RRBP1: variants seen among roughly 807,000 people sequenced by gnomAD.
RRBP1 encodes the protein ribosome-binding protein 1.
In RRBP1, 94 loss-of-function variants were observed where a neutral mutation model predicts 165.2. The ratio of observed to expected loss-of-function variants is 0.57; its 90% CI spans 0.48 to 0.68. The LOEUF is 0.68. Ranked by LOEUF, RRBP1 falls within the 30% of genes least tolerant of loss-of-function variation. RRBP1 has a pLI of 0.00. For missense variants in RRBP1, 1,676 were observed against 1,763.0 expected (o/e 0.95, Z 0.88); for synonymous variants, 680 against 714.5 (o/e 0.95, Z 0.77).
chr20:17,641,053 G>GT (rs1301799005), intron 5 of RRBP1, among the ~76,000 whole-genome samples: 1 of 152,082 alleles, frequency 6.6e-6, no homozygotes, highest in Non-Finnish European at 1.5e-5. Context: ...ACCAGTCCCA[G>GT]AGGGCCAGGG....
At chr20:17,614,918 C>G (rs1479169081) in intron 23 of RRBP1, 38 bp from the exon 24 acceptor site, 2 of 1,606,816 alleles carry the variant, frequency 1.2e-6, no homozygotes, top group East Asian at 4.5e-5. Flanking sequence ...AGCCCTTGCA[C>G]CGGCAGGAGG....
intron 8 of RRBP1, among the ~76,000 whole-genome samples, chr20:17,632,820 C>T (rs554562137): frequency 6.6e-6 from 1 of 152,318 alleles, no homozygotes; most frequent in East Asian, 1.9e-4. Flanking sequence ...GGAAAACATG[C>T]TGCATGCTGC....
At chr20:17,620,887 G>T in intron 16 of RRBP1, 80 bp from the exon 17 acceptor site, 1 of 1,075,588 alleles carries the variant, frequency 9.3e-7, no homozygotes, top group Non-Finnish European at 1.3e-6. Flanking sequence ...TGTCCCTGCA[G>T]CCCTGGTGAC....
rs1568771079 is a variant in RRBP1 at position 17,642,889 on chromosome 20, G to A, written c.2061+90C>T. 2.9e-6 allele frequency: 4 copies of A among 1,366,706 alleles called. No individual in the cohort carries two copies. In the Admixed American group the frequency reaches 5.5e-5, roughly 19 times the overall value. The allele number at this position is 1,366,706 out of a possible 1,614,324, so 84.7% of individuals were successfully genotyped here. A position where few individuals can be genotyped will look rare whatever the true frequency, so the allele number is the denominator to read the frequency against. ...GAAAGAGAAGTGGAGGCTGTCCTAT[G>A]AATGTCCTCTCTGTGGCAGAGGGAA... On this transcript the variant is annotated intron_variant, in intron 4 of 24. Coordinates refer to ENST00000377813, the MANE Select transcript of RRBP1 (RefSeq NM_001365613.2).
chr20:17,638,784 C>T (rs1362087842), intron 5 of RRBP1, among the ~76,000 whole-genome samples: 1 of 152,092 alleles, frequency 6.6e-6, no homozygotes. Context: ...TCAGAAGTGA[C>T]TCTCTGTCCC....
chr20:17,615,030 CAG>C (rs945459553), intron 23 of RRBP1, 150 bp from the exon 24 acceptor site: 8 of 883,546 alleles, frequency 9.1e-6, no homozygotes, highest in African/African-American at 1.7e-5. Context: ...GTGGTGACGA[CAG>C]GGAGGAAACC....
chr20:17,614,218 C>G lies in RRBP1; in HGVS notation c.4197G>C (p.Glu1399Asp). 1.2e-6 allele frequency: 2 copies of G among 1,613,530 alleles called. No homozygotes were observed. The highest frequency in any genetic ancestry group is 1.7e-6 in the Non-Finnish European group (2 of 1,179,966). ...KKLQEQLEKAEDGSSSKEGTS... is the reference protein window; with the variant it reads ...KKLQEQLEKADDGSSSKEGTS... ...TGCCCTCCTTTGAGCTGCTGCCGTCCTCCTGTGAACGAAGGCAGGTGGCGT... is the reference window on the plus strand; with the variant it reads ...TGCCCTCCTTTGAGCTGCTGCCGTCGTCCTGTGAACGAAGGCAGGTGGCGT... The change falls in exon 25 of 25, where the codon GAG becomes GAC. Residue 1399 changes from glutamate to aspartate, a missense_variant and splice_region_variant. Around this residue, in one of 5 missense-constraint regions of RRBP1, gnomAD observed 1,184 missense variants for 1,167.1 expected, o/e 1.01. Coordinates refer to ENST00000377813, the MANE Select transcript of RRBP1 (RefSeq NM_001365613.2).
At chr20:17,648,272 G>C (rs2036499907) in intron 3 of RRBP1, among the ~76,000 whole-genome samples, 1 of 152,258 alleles carries the variant, frequency 6.6e-6, no homozygotes, top group South Asian at 2.1e-4. Flanking sequence ...GCCTGTGGGG[G>C]AAGTGAGCTT....
chr20:17,630,546 C>G lies in RRBP1; in HGVS notation c.2611-585G>C, dbSNP rs149154684. Reference sequence around the variant, plus strand: ...CATTTCCTCACTCAGGACAGACAGGCCCACCACACCCTTGTTTAGGAGCCA... The same window carrying G: ...CATTTCCTCACTCAGGACAGACAGGGCCACCACACCCTTGTTTAGGAGCCA... On this transcript the variant is annotated intron_variant, in intron 8 of 24. Transcript: ENST00000377813. Among the ~76,000 whole-genome samples, 570 of 152,324 alleles carry G rather than the reference C, an allele frequency of 3.7e-3. 2 individuals carry two copies. The highest frequency in any genetic ancestry group is 0.013 in the African/African-American group (544 of 41,568).
intron 9 of RRBP1, among the ~76,000 whole-genome samples, chr20:17,629,505 T>C (rs1419092835): frequency 2.0e-5 from 3 of 152,050 alleles, no homozygotes; most frequent in African/African-American, 7.3e-5. Context: ...AGCAGTGCCT[T>C]CCACCCCCAT....
chr20:17,639,895 A>C (rs999887415), intron 5 of RRBP1, among the ~76,000 whole-genome samples: 3 of 23,092 alleles, frequency 1.3e-4, no homozygotes, highest in East Asian at 0.01. Context: ...CTCCAGTCTC[A>C]AAAAAAAAAA....
intron 21 of RRBP1, among the ~76,000 whole-genome samples, chr20:17,616,308 G>C (rs1418747784): frequency 2.6e-5 from 4 of 152,122 alleles, no homozygotes; most frequent in South Asian, 2.1e-4. Context: ...GGCCACCCCA[G>C]GGACAGGCCC....
intron 12 of RRBP1, 22 bp from the exon 13 acceptor site, chr20:17,624,690 G>A: frequency 3.3e-6 from 5 of 1,529,394 alleles, no homozygotes; most frequent in Non-Finnish European, 4.4e-6. Context: ...ACAGGTGAAA[G>A]GTCAGCAGCC....
rs1373622945 is a variant in RRBP1, at chr20:17,659,933, G to C, written c.575C>G (p.Pro192Arg). 6 of 1,579,538 alleles carry C rather than the reference G, an allele frequency of 3.8e-6. No homozygotes were observed. The highest frequency in any genetic ancestry group is 3.6e-5 in the Admixed American group (2 of 55,004). The change falls in exon 3 of 25, where the codon CCA becomes CGA. Residue 192 changes from proline (P) to arginine (R), a missense_variant. Pro to Arg is a moderately radical substitution (Grantham distance 103, BLOSUM62 -2). Transcript: ENST00000377813. ...TTTGCCCTGAGTAGTGCCAGTGGCTGGTGTGTTGCCCTTGGCACCCACTGG... is the reference window on the plus strand; with the variant it reads ...TTTGCCCTGAGTAGTGCCAGTGGCTCGTGTGTTGCCCTTGGCACCCACTGG... ...VPPVGAKGNT[P>R]ATGTTQGKKA... is the part of the protein sequence containing the mutation.
rs536618128 is a variant in RRBP1 at position 17,670,375 on chromosome 20, C to G, written c.-22+9624G>C. 3.3e-5 allele frequency among the ~76,000 whole-genome samples: 5 copies of G among 149,318 alleles called. No homozygotes were observed. The South Asian group carries it at 1.1e-3, about 32-fold the overall frequency. Reference sequence around the variant, plus strand: ...CAAGTTTTGTAACAAGGTTGGCTGGCATCAAAATGAGTAGTGTAGGATTCT... The same window carrying G: ...CAAGTTTTGTAACAAGGTTGGCTGGGATCAAAATGAGTAGTGTAGGATTCT... On this transcript the variant is annotated intron_variant, in intron 2 of 24. Transcript: ENST00000377813.
intron 5 of RRBP1, among the ~76,000 whole-genome samples, chr20:17,638,118 C>T (rs2036281799): frequency 6.6e-6 from 1 of 152,190 alleles, no homozygotes; most frequent in African/African-American, 2.4e-5. Flanking sequence ...AAAGGGAGGA[C>T]AGCTTAGCGG....
intron 22 of RRBP1, 24 bp downstream of exon 22, chr20:17,615,902 G>A (rs1399292306): frequency 1.3e-6 from 2 of 1,594,944 alleles, no homozygotes; most frequent in South Asian, 1.1e-5. Flanking sequence ...GATGGGGGCT[G>A]AGAGCCACCA....
chr20:17,662,737 AGGAGGAT>A (rs1337588171), intron 2 of RRBP1, among the ~76,000 whole-genome samples: 1 of 151,676 alleles, frequency 6.6e-6, no homozygotes, highest in Admixed American at 6.6e-5. Context: ...TTCAGTGGGT[AGGAGGAT>A]GGGGACAAGA....
chr20:17,681,714 G>A (rs1032453160), intron 1 of RRBP1, among the ~76,000 whole-genome samples: 2 of 150,334 alleles, frequency 1.3e-5, no homozygotes, highest in African/African-American at 2.4e-5. Flanking sequence ...CCTGCCGGGA[G>A]GGAGGGAGGC....
Sources: allele counts gnomAD v4.1 joint callset (sites outside exome capture counted in the v4.1 genomes callset), GRCh38; gene constraint gnomAD v4.1.1; regional missense constraint gnomAD v4.1.1; transcripts MANE v1.5; gene names NCBI Gene and HGNC (gene_info 2026-07-23, HGNC 2026-07-21).